ZNF506: variants seen among roughly 807,000 people sequenced by gnomAD.
The protein encoded by ZNF506 is zinc finger protein 506.
Under a neutral mutation model 11.6 loss-of-function variants are expected in ZNF506, and 10 were observed. That is an observed-to-expected ratio of 0.86 (90% CI 0.53 to 1.46). The LOEUF is 1.46. Ranked by LOEUF, ZNF506 falls within the 40% of genes most tolerant of loss-of-function variation. The pLI is 0.00. For synonymous variants in ZNF506, 156 were observed against 173.3 expected, an observed-to-expected ratio of 0.90 and a Z score of 0.78; for missense variants, 425 against 521.2, an observed-to-expected ratio of 0.82 and a Z score of 1.80.
intron 1 of ZNF506, among the ~76,000 whole-genome samples, chr19:19,813,064 T>C (rs1026415184): frequency 3.3e-5 from 5 of 152,222 alleles, no homozygotes; most frequent in African/African-American, 4.8e-5. Flanking sequence ...TATAGTGGAA[T>C]ACATTAGAGC....
Position 19,795,546 on chromosome 19 carries a change from T to C in ZNF506, c.341A>G (p.Lys114Arg). Residue 114 changes from lysine to arginine, a missense_variant, in exon 4 of 4, where the codon AAA (lysine) becomes AGA (arginine). Coordinates refer to ENST00000540806, the MANE Select transcript of ZNF506 (RefSeq NM_001099269.3). The part of the protein sequence containing the change: ...EKCRHDNLQL[K>R]KGCESVDECP... ...CTCATCTACACTTTCACAGCCTTTTTTTAACTGTAAATTGTCATGTCTACA... is the reference window on the plus strand; with the variant it reads ...CTCATCTACACTTTCACAGCCTTTTCTTAACTGTAAATTGTCATGTCTACA... The C allele has an allele frequency of 1.3e-6, 2 of 1,597,220 alleles. No individual in the cohort carries two copies. Among genetic ancestry groups the C allele is most frequent in the Non-Finnish European group, 1.7e-6 (2 of 1,174,966 alleles).
chr19:19,814,431 T>TAATAATAATAATAATAAC (rs2062912004), intron 1 of ZNF506, among the ~76,000 whole-genome samples: 1 of 150,446 alleles, frequency 6.6e-6, no homozygotes, highest in Non-Finnish European at 1.5e-5. Context: ...ATAATAATAA[T>TAATAATAATAATAATAAC]AATAATGCAG....
intron 3 of ZNF506, chr19:19,796,953 C>T (rs539209071): frequency 2.0e-5 from 3 of 152,198 alleles, no homozygotes; most frequent in Non-Finnish European, 2.9e-5. Context: ...TTCCAAGAAT[C>T]GCTATCCAAG....
Position 19,800,391 on chromosome 19 carries a change from A to AATATAT in ZNF506, c.227-4737_227-4732dup, listed in dbSNP as rs3062863. ...CAACATAATTAATATAACTAAACAG[A>AATATAT]ATATATATATATATATATATATTTA... On this transcript the variant is annotated intron_variant, in intron 3 of 3. Coordinates refer to ENST00000540806, the MANE Select transcript of ZNF506 (RefSeq NM_001099269.3). Among the ~76,000 whole-genome samples the AATATAT allele has an allele frequency of 2.1e-3, 295 of 139,234 alleles. 4 individuals are homozygous for AATATAT. Among genetic ancestry groups the AATATAT allele is most frequent in the African/African-American group, 7.4e-3 (278 of 37,814 alleles). The allele number at this position is 139,234 out of a possible 152,430, so 91.3% of individuals were successfully genotyped here. A position where few individuals can be genotyped will look rare whatever the true frequency, so the allele number is the denominator to read the frequency against.
intron 3 of ZNF506, chr19:19,797,179 T>G (rs1009767391): frequency 6.7e-5 from 10 of 148,852 alleles, no homozygotes; most frequent in African/African-American, 9.9e-5. Context: ...GCTTGGTGGC[T>G]CATTCCTGTA....
chr19:19,812,963 C>G (rs1422717100), intron 1 of ZNF506, among the ~76,000 whole-genome samples: 1 of 152,204 alleles, frequency 6.6e-6, no homozygotes, highest in Non-Finnish European at 1.5e-5. Flanking sequence ...TCTCTCATCT[C>G]CTAGCCATTG....
chr19:19,813,475 C>G (rs1040233241), intron 1 of ZNF506, among the ~76,000 whole-genome samples: 1 of 152,050 alleles, frequency 6.6e-6, no homozygotes, highest in Non-Finnish European at 1.5e-5. Flanking sequence ...AGTTCAACAA[C>G]TATAAAAAGC....
rs566230486 is a variant in ZNF506, at chr19:19,804,159, T to TG, written c.226+1871dup. ...CAGAATGAACAGGCAACCTACAGAA[T>TG]GGGAGAAAATTTTTGCAATCTACCC... is the stretch of plus-strand genomic sequence containing the variant. On this transcript the variant is annotated intron_variant, in intron 3 of 3. Transcript: ENST00000540806. Among the ~76,000 whole-genome samples the TG allele has an allele frequency of 2.2e-3, 342 of 152,156 alleles. 3 individuals are homozygous for TG. Among genetic ancestry groups the TG allele is most frequent in the African/African-American group, 7.9e-3 (326 of 41,528 alleles).
At chr19:19,802,593 A>G (rs867595106) in intron 3 of ZNF506, among the ~76,000 whole-genome samples, 3 of 152,336 alleles carry the variant, frequency 2.0e-5, no homozygotes, top group Middle Eastern at 6.8e-3. Flanking sequence ...AAGTTGATGA[A>G]AATTCTGTAA....
At position 19,821,727 on chromosome 19, in the gene ZNF506, T is replaced by G; in HGVS notation, c.-124A>C. ...CAGAGCAGTGAAGACGATAGCTGGATCTCTGGCGTCAGCGAGAGACAATGG... is the reference window on the plus strand; with the variant it reads ...CAGAGCAGTGAAGACGATAGCTGGAGCTCTGGCGTCAGCGAGAGACAATGG... On this transcript the variant is annotated 5_prime_UTR_variant, in exon 1 of 4. Transcript: ENST00000540806. The G allele has an allele frequency of 1.5e-6, 2 of 1,293,208 alleles. No homozygotes were observed. The highest frequency in any genetic ancestry group is 2.2e-6 in the Non-Finnish European group (2 of 896,552). 80.1% of individuals were successfully genotyped at this position (1,293,208 alleles called of 1,614,324 possible).
rs1169387743 is a variant in ZNF506 at position 19,794,067 on chromosome 19, T to C, written c.*485A>G. ...GCTCATGCCTGTCATCTCAGCACTT[T>C]AGGATGCCGAGGTGGGTGGACCATC... On this transcript the variant is annotated 3_prime_UTR_variant, in exon 4 of 4. Coordinates refer to ENST00000540806, the MANE Select transcript of ZNF506 (RefSeq NM_001099269.3). 3.2e-5 allele frequency: 5 copies of C among 156,384 alleles called. No individual in the cohort carries two copies. Among genetic ancestry groups the C allele is most frequent in the Non-Finnish European group, 7.1e-5 (5 of 70,822 alleles). 9.7% of individuals were successfully genotyped at this position (156,384 alleles called of 1,614,324 possible).
intron 1 of ZNF506, among the ~76,000 whole-genome samples, chr19:19,814,341 G>C (rs998092265): frequency 5.9e-5 from 9 of 151,380 alleles, no homozygotes; most frequent in African/African-American, 2.2e-4. Flanking sequence ...CCAGGAGGTG[G>C]AGGTTGCAGT....
chr19:19,819,162 A>G lies in ZNF506; in HGVS notation c.3+2439T>C, dbSNP rs1248785065. Among the ~76,000 whole-genome samples the G allele has an allele frequency of 3.3e-5, 5 of 152,166 alleles. 1 individual carries two copies. In the East Asian group the frequency reaches 9.7e-4, roughly 29 times the overall value. On this transcript the variant is annotated intron_variant, in intron 1 of 3. Transcript: ENST00000540806. ...GCCCCACGTGCATTTTACTTTGTTA[A>G]GTTTTTACGCCCTCTCACTGGGGTC...
intron 1 of ZNF506, among the ~76,000 whole-genome samples, chr19:19,815,156 A>G (rs1477426062): frequency 6.6e-6 from 1 of 152,206 alleles, no homozygotes; most frequent in East Asian, 1.9e-4. Flanking sequence ...GCTACTCAGG[A>G]GGCTGAGACA....
intron 3 of ZNF506, among the ~76,000 whole-genome samples, chr19:19,803,025 T>C (rs1475315899): frequency 6.6e-6 from 1 of 152,166 alleles, no homozygotes; most frequent in Non-Finnish European, 1.5e-5. Context: ...CCTGTAAGAT[T>C]TGAGATCCAG....
intron 3 of ZNF506, among the ~76,000 whole-genome samples, chr19:19,801,961 T>C (rs2062797600): frequency 6.6e-6 from 1 of 151,524 alleles, no homozygotes; most frequent in Non-Finnish European, 1.5e-5. Context: ...CTCAGCACTA[T>C]GGGAGGCCGA....
intron 3 of ZNF506, chr19:19,797,996 A>G (rs937518390): frequency 6.6e-6 from 1 of 152,236 alleles, no homozygotes; most frequent in African/African-American, 2.4e-5. Flanking sequence ...GGATGCTGAA[A>G]GGAGTTTTTT....
intron 1 of ZNF506, among the ~76,000 whole-genome samples, chr19:19,815,940 T>C (rs921239075): frequency 1.3e-5 from 2 of 152,120 alleles, no homozygotes; most frequent in Non-Finnish European, 2.9e-5. Flanking sequence ...AGAAAAGAGA[T>C]GGGGAAAGAT....
intron 1 of ZNF506, among the ~76,000 whole-genome samples, chr19:19,819,968 G>A (rs552825822): frequency 1.3e-5 from 2 of 151,862 alleles, no homozygotes; most frequent in Non-Finnish European, 2.9e-5. Flanking sequence ...GTGGTGGCAC[G>A]CGCCTGTACT....
Sources: gnomAD v4.1 joint callset for allele counts (sites outside exome capture counted in the v4.1 genomes callset) on GRCh38, gnomAD v4.1.1 for gene constraint, MANE v1.5 for transcripts, NCBI Gene and HGNC (gene_info 2026-07-23, HGNC 2026-07-21) for gene names.